RASSF3: variants seen among roughly 807,000 people sequenced by gnomAD.
The protein encoded by RASSF3 is ras association domain-containing protein 3.
A neutral mutation model predicts 19.9 loss-of-function variants in RASSF3; 19 were observed. The ratio of observed to expected loss-of-function variants is 0.96; its 90% CI spans 0.67 to 1.40. The LOEUF (loss-of-function observed/expected upper bound fraction) is 1.40, where lower values mean the gene tolerates loss of function less well. Among genes scored for constraint, RASSF3 ranks in the 40% most tolerant of loss-of-function variants. RASSF3 has a pLI of 0.00. For synonymous variants in RASSF3, 110 were observed against 104.2 expected (o/e 1.06, Z -0.34); for missense variants, 306 against 289.8 (o/e 1.06, Z -0.41).
chr12:64,603,556 C>A (rs985958877), intron 2 of RASSF3, among the ~76,000 whole-genome samples: 2 of 152,186 alleles, frequency 1.3e-5, no homozygotes, highest in African/African-American at 4.8e-5. Flanking sequence ...CCGGGGTTAC[C>A]TCCAGGCTCA....
chr12:64,554,934 G>C (rs985623607), intron 2 of RASSF3, among the ~76,000 whole-genome samples: 2 of 152,030 alleles, frequency 1.3e-5, no homozygotes, highest in African/African-American at 4.8e-5. Flanking sequence ...GGATCTTACA[G>C]TTTTATTGTT....
intron 2 of RASSF3, among the ~76,000 whole-genome samples, chr12:64,547,330 G>A (rs1297007995): frequency 6.6e-6 from 1 of 150,814 alleles, no homozygotes; most frequent in Non-Finnish European, 1.5e-5. Context: ...CACTTTGGGA[G>A]GCTGAGGCAG....
At chr12:64,628,755 C>A (rs1345031627) in intron 1 of RASSF3, among the ~76,000 whole-genome samples, 1 of 152,028 alleles carries the variant, frequency 6.6e-6, no homozygotes, top group Admixed American at 6.6e-5. Context: ...CCTTGGCCTC[C>A]CAAAGTGCTG....
At chr12:64,632,344 AT>A (rs1437078639) in intron 1 of RASSF3, among the ~76,000 whole-genome samples, 1 of 152,092 alleles carries the variant, frequency 6.6e-6, no homozygotes, top group Non-Finnish European at 1.5e-5. Flanking sequence ...AGGATTGAAT[AT>A]TTTGTGAGTA....
chr12:64,520,790 G>A (rs2136103871), intron 1 of RASSF3, among the ~76,000 whole-genome samples: 1 of 152,078 alleles, frequency 6.6e-6, no homozygotes, highest in East Asian at 1.9e-4. Flanking sequence ...GAAATTAGAG[G>A]TGTTGGTACA....
chr12:64,670,081 G>T (rs1435242120), intron 1 of RASSF3, among the ~76,000 whole-genome samples: 1 of 150,824 alleles, frequency 6.6e-6, no homozygotes, highest in Non-Finnish European at 1.5e-5. Context: ...GATAATAACT[G>T]CATATCTTTA....
intron 2 of RASSF3, among the ~76,000 whole-genome samples, 166 bp from the exon 3 acceptor site, chr12:64,688,050 C>T (rs1256699647): frequency 6.6e-6 from 1 of 152,170 alleles, no homozygotes; most frequent in African/African-American, 2.4e-5. Flanking sequence ...GTGTTAACCG[C>T]CCTCTGAGGT....
At chr12:64,662,656 C>T (rs572609063) in intron 1 of RASSF3, among the ~76,000 whole-genome samples, 1 of 152,136 alleles carries the variant, frequency 6.6e-6, no homozygotes, top group Non-Finnish European at 1.5e-5. Flanking sequence ...TCCATGGTCT[C>T]TGCGTGTGTA....
intron 2 of RASSF3, among the ~76,000 whole-genome samples, chr12:64,575,329 A>G (rs886433113): frequency 1.4e-4 from 22 of 152,288 alleles, no homozygotes; most frequent in African/African-American, 5.1e-4. Context: ...CAAGGCGGGC[A>G]GATCATGAGG....
At chr12:64,694,635 G>C in intron 4 of RASSF3, 128 bp from the exon 5 acceptor site, 1 of 1,026,396 alleles carries the variant, frequency 9.7e-7, no homozygotes, top group South Asian at 1.4e-5. Flanking sequence ...AGCTCTTGCA[G>C]ACCACACCTT....
chr12:64,579,722 ATTTC>A (rs1869657211), intron 2 of RASSF3, among the ~76,000 whole-genome samples: 1 of 150,780 alleles, frequency 6.6e-6, no homozygotes, highest in Non-Finnish European at 1.5e-5. Flanking sequence ...ATATTAAAAT[ATTTC>A]TGTCTTTTTC....
chr12:64,592,606 G>A (rs1382938081), intron 2 of RASSF3, among the ~76,000 whole-genome samples: 1 of 152,046 alleles, frequency 6.6e-6, no homozygotes, highest in African/African-American at 2.4e-5. Flanking sequence ...TGCAACCTCA[G>A]TAAGGAAGTT....
intron 1 of RASSF3, among the ~76,000 whole-genome samples, chr12:64,620,307 G>C (rs1870708071): frequency 6.6e-6 from 1 of 152,046 alleles, no homozygotes; most frequent in Admixed American, 6.6e-5. Context: ...TATATCCATT[G>C]TATGTATATA....
At chr12:64,523,362 C>T (rs991684129) in intron 1 of RASSF3, among the ~76,000 whole-genome samples, 4 of 151,988 alleles carry the variant, frequency 2.6e-5, no homozygotes, top group East Asian at 1.9e-4. Flanking sequence ...GCCAAGATCA[C>T]GCCACTGCAC....
upstream of RASSF3, among the ~76,000 whole-genome samples, chr12:64,529,979 A>G (rs1209527130): frequency 6.6e-6 from 1 of 152,120 alleles, no homozygotes; most frequent in Admixed American, 6.5e-5. Flanking sequence ...AAACTTTTCT[A>G]CCAACCTACT....
intron 2 of RASSF3, among the ~76,000 whole-genome samples, chr12:64,685,748 G>A (rs1249426849): frequency 6.6e-6 from 1 of 152,228 alleles, no homozygotes; most frequent in Non-Finnish European, 1.5e-5. Flanking sequence ...CGGCGTACAG[G>A]AGGGAGAAGC....
intron 2 of RASSF3, among the ~76,000 whole-genome samples, chr12:64,601,958 A>C (rs1870099439): frequency 1.3e-5 from 2 of 151,190 alleles, no homozygotes; most frequent in African/African-American, 4.9e-5. Context: ...TCTACTAAAA[A>C]TACAAAAAAT....
At chr12:64,509,675 C>T (rs1046257821) in intron 1 of RASSF3, among the ~76,000 whole-genome samples, 26 of 152,046 alleles carry the variant, frequency 1.7e-4, no homozygotes, top group African/African-American at 4.8e-5. Flanking sequence ...ATAATCTATA[C>T]CTAGAAAGTT....
downstream of RASSF3, among the ~76,000 whole-genome samples, chr12:64,542,656 G>A (rs1565835872): frequency 2.0e-5 from 3 of 152,314 alleles, no homozygotes; most frequent in East Asian, 3.9e-4. Context: ...TTGGGAGGCC[G>A]AGGTGGGTGG....
Sources: gnomAD v4.1 joint callset for allele counts (sites outside exome capture counted in the v4.1 genomes callset) on GRCh38, gnomAD v4.1.1 for gene constraint, MANE v1.5 for transcripts, NCBI Gene and HGNC (gene_info 2026-07-23, HGNC 2026-07-21) for gene names.